The following EPHA6 variants were observed in gnomAD, a reference collection of about 807,000 sequenced individuals.
EPHA6 encodes the protein EPH receptor A6.
EPHA6 carries 50 observed loss-of-function variants against 112.0 expected under a neutral mutation model. That is an observed-to-expected ratio of 0.45 (90% CI 0.36 to 0.56). EPHA6 has a LOEUF of 0.56. EPHA6 is among the 20% of genes least tolerant of loss of function. EPHA6 has a pLI of 0.00. For missense variants in EPHA6, 1,280 were observed against 1,417.4 expected, an observed-to-expected ratio of 0.90 and a Z score of 1.56; for synonymous variants, 529 against 490.7, an observed-to-expected ratio of 1.08 and a Z score of -1.03.
chr3:97,638,765 T>C (rs184575989), intron 14 of EPHA6, among the ~76,000 whole-genome samples: 1 of 152,250 alleles, frequency 6.6e-6, no homozygotes, highest in East Asian at 1.9e-4. Context: ...AAAGTCTCTG[T>C]TGTGCTATCT....
At chr3:96,889,222 G>A (rs973338621) in intron 2 of EPHA6, among the ~76,000 whole-genome samples, 3 of 152,064 alleles carry the variant, frequency 2.0e-5, no homozygotes, top group Non-Finnish European at 4.4e-5. Flanking sequence ...ACATTTTCCT[G>A]TCTTCTGAGC....
At chr3:97,251,403 A>G (rs868743417) in intron 5 of EPHA6, among the ~76,000 whole-genome samples, 5 of 151,602 alleles carry the variant, frequency 3.3e-5, no homozygotes, top group South Asian at 2.1e-4. Context: ...GGTTGCAGGC[A>G]CCTGTAGTCC....
chr3:97,662,796 C>T (rs1051110860), intron 14 of EPHA6, among the ~76,000 whole-genome samples: 5 of 152,186 alleles, frequency 3.3e-5, no homozygotes, highest in Non-Finnish European at 4.4e-5. Context: ...ATCCAAGTGA[C>T]GAGCTATGTA....
chr3:97,315,088 A>AG (rs1410318961), intron 5 of EPHA6, among the ~76,000 whole-genome samples: 1 of 150,794 alleles, frequency 6.6e-6, no homozygotes, highest in Non-Finnish European at 1.5e-5. Context: ...AAGAAAAAAA[A>AG]GTTCTCTCTG....
intron 12 of EPHA6, among the ~76,000 whole-genome samples, chr3:97,601,377 C>A (rs1450143214): frequency 6.6e-6 from 1 of 152,064 alleles, no homozygotes. Context: ...CTAGGCTGCT[C>A]AGCTGTCTAT....
At chr3:97,272,787 C>T (rs1341494371) in intron 5 of EPHA6, among the ~76,000 whole-genome samples, 1 of 152,084 alleles carries the variant, frequency 6.6e-6, no homozygotes, top group Non-Finnish European at 1.5e-5. Flanking sequence ...TCAGTTAAGG[C>T]AGGAACCGGC....
chr3:97,504,368 T>G (rs1434460495), intron 10 of EPHA6, among the ~76,000 whole-genome samples: 2 of 152,192 alleles, frequency 1.3e-5, no homozygotes, highest in East Asian at 3.9e-4. Context: ...GTTGCCGTTT[T>G]TACAGTTGAA....
At chr3:97,414,654 T>G (rs991140390) in intron 6 of EPHA6, among the ~76,000 whole-genome samples, 1 of 152,220 alleles carries the variant, frequency 6.6e-6, no homozygotes, top group East Asian at 1.9e-4. Context: ...TAAGTCTGTA[T>G]TCTGCTTCAA....
intron 2 of EPHA6, among the ~76,000 whole-genome samples, chr3:96,889,663 G>A (rs201412999): frequency 6.6e-6 from 1 of 152,134 alleles, no homozygotes; most frequent in Admixed American, 6.6e-5. Context: ...TTTGGGTGAG[G>A]ACTCAGAGGC....
intron 3 of EPHA6, among the ~76,000 whole-genome samples, chr3:96,994,759 A>AGAGAGAGAGAGAGAGAGAGC (rs763682996): frequency 0.012 from 1,367 of 115,816 alleles, 41 homozygotes; most frequent in Non-Finnish European, 0.016. Flanking sequence ...AGAGAGAGAG[A>AGAGAGAGAGAGAGAGAGAGC]GAGCTATATA....
At chr3:97,636,402 CAGAA>C (rs1288678400) in intron 13 of EPHA6, among the ~76,000 whole-genome samples, 1 of 151,990 alleles carries the variant, frequency 6.6e-6, no homozygotes, top group African/African-American at 2.4e-5. Context: ...GGATTTGAAA[CAGAA>C]AGAGCTAATA....
At chr3:97,165,527 T>C (rs2076521464) in intron 3 of EPHA6, among the ~76,000 whole-genome samples, 1 of 152,094 alleles carries the variant, frequency 6.6e-6, no homozygotes, top group African/African-American at 2.4e-5. Context: ...ATCTACAGTG[T>C]CTGGTTCTAA....
At chr3:97,448,496 CT>C in intron 6 of EPHA6, 71 bp from the exon 7 acceptor site, 2 of 1,499,446 alleles carry the variant, frequency 1.3e-6, no homozygotes, top group Middle Eastern at 1.7e-4. Context: ...CTCAGTTAAA[CT>C]TTGGAATGTT....
intron 3 of EPHA6, among the ~76,000 whole-genome samples, chr3:97,005,875 C>A (rs9820064): frequency 0.045 from 6,883 of 152,204 alleles, 455 homozygotes; most frequent in African/African-American, 0.14. Context: ...TTGAGATAAT[C>A]ATGTGATTTT....
At chr3:97,334,955 G>C (rs985661358) in intron 5 of EPHA6, among the ~76,000 whole-genome samples, 2 of 151,978 alleles carry the variant, frequency 1.3e-5, no homozygotes, top group Non-Finnish European at 2.9e-5. Flanking sequence ...TTGTTTTACG[G>C]CCTGTTATAA....
At chr3:96,988,051 T>C in intron 3 of EPHA6, 58 bp downstream of exon 3, 1 of 1,351,878 alleles carries the variant, frequency 7.4e-7, no homozygotes, top group Non-Finnish European at 9.9e-7. Flanking sequence ...AAAAAAGTTT[T>C]ATTTTTTAAA....
intron 6 of EPHA6, among the ~76,000 whole-genome samples, chr3:97,443,238 A>ATATATC (rs902446412): frequency 2.6e-5 from 4 of 151,804 alleles, no homozygotes; most frequent in African/African-American, 9.7e-5. Context: ...AATGACTTAG[A>ATATATC]TGACTTCTAG....
intron 14 of EPHA6, among the ~76,000 whole-genome samples, chr3:97,689,348 A>G (rs981348407): frequency 1.3e-5 from 2 of 152,232 alleles, no homozygotes; most frequent in Non-Finnish European, 2.9e-5. Context: ...GTATAAGAGT[A>G]ACATGTGTGT....
chr3:97,146,763 T>C (rs2076052944), intron 3 of EPHA6, among the ~76,000 whole-genome samples: 1 of 151,990 alleles, frequency 6.6e-6, no homozygotes, highest in African/African-American at 2.4e-5. Context: ...TTGTCTTGAT[T>C]ATACTAACAG....
Sources: gnomAD v4.1 joint callset for allele counts (sites outside exome capture counted in the v4.1 genomes callset) on GRCh38, gnomAD v4.1.1 for gene constraint, MANE v1.5 for transcripts, NCBI Gene and HGNC (gene_info 2026-07-23, HGNC 2026-07-21) for gene names.